Variants in CIMIP4 observed in about 807,000 individuals in gnomAD.
The protein encoded by CIMIP4 is protein EAN57.
At chr22:36,996,082 G>C in the CIMIP4 span, among the ~76,000 whole-genome samples, 1 of 152,048 alleles carries the variant, frequency 6.6e-6, no homozygotes, top group East Asian at 1.9e-4. Flanking sequence ...GTCCCTATCT[G>C]TGTGGCCTTA....
chr22:37,001,752 A>C, the CIMIP4 span: 1 of 1,334,302 alleles, frequency 7.5e-7, no homozygotes, highest in Non-Finnish European at 1.0e-6. Flanking sequence ...TGGTATTATT[A>C]TAGGGACTCT....
chr22:37,002,184 A>G, the CIMIP4 span: 3 of 1,491,798 alleles, frequency 2.0e-6, no homozygotes, highest in East Asian at 4.9e-5. Flanking sequence ...GGCTGTGGGG[A>G]TGACAGACCC....
chr22:36,993,016 CTTT>C, the CIMIP4 span, among the ~76,000 whole-genome samples: 2 of 136,258 alleles, frequency 1.5e-5, no homozygotes, highest in Admixed American at 7.4e-5. Flanking sequence ...TTTTTTTTTT[CTTT>C]TTTTTTTTTT....
chr22:36,995,749 C>T, the CIMIP4 span, among the ~76,000 whole-genome samples: 37 of 152,294 alleles, frequency 2.4e-4, no homozygotes, highest in African/African-American at 7.5e-4. Flanking sequence ...TGTCGGCCAC[C>T]GTGTAAGACG....
At chr22:37,004,780 C>T in the CIMIP4 span, among the ~76,000 whole-genome samples, 1 of 152,012 alleles carries the variant, frequency 6.6e-6, no homozygotes, top group Non-Finnish European at 1.5e-5. Flanking sequence ...CTCCACCTCC[C>T]AAGTTCAAGC....
the CIMIP4 span, among the ~76,000 whole-genome samples, chr22:36,992,119 C>T: frequency 2.0e-5 from 3 of 151,764 alleles, no homozygotes; most frequent in Admixed American, 6.6e-5. Context: ...GAGGCCAAGG[C>T]GGGTGGATCA....
chr22:37,003,288 A>AG, the CIMIP4 span, among the ~76,000 whole-genome samples: 28 of 152,336 alleles, frequency 1.8e-4, no homozygotes, highest in African/African-American at 6.3e-4. Context: ...GTGTTTAACA[A>AG]GCCCCTGGGC....
chr22:36,999,029 G>A, the CIMIP4 span, among the ~76,000 whole-genome samples: 1 of 152,128 alleles, frequency 6.6e-6, no homozygotes, highest in African/African-American at 2.4e-5. Flanking sequence ...CAGCTAGTGA[G>A]TGGCTGAGCT....
At chr22:37,001,836 C>A in the CIMIP4 span, 1 of 1,571,358 alleles carries the variant, frequency 6.4e-7, no homozygotes, top group Non-Finnish European at 8.6e-7. Flanking sequence ...TGCTATGACA[C>A]CTGCTCCTCG....
the CIMIP4 span, among the ~76,000 whole-genome samples, chr22:37,006,517 C>G: frequency 1.3e-5 from 2 of 152,220 alleles, no homozygotes; most frequent in Non-Finnish European, 2.9e-5. Context: ...TTTCACAGAT[C>G]TATGATGGGG....
the CIMIP4 span, chr22:36,991,378 C>T: frequency 7.8e-5 from 121 of 1,550,802 alleles, no homozygotes; most frequent in East Asian, 1.3e-4. Context: ...AAGTCCACCC[C>T]GGCTCTGTCT....
At chr22:36,996,431 A>C in the CIMIP4 span, among the ~76,000 whole-genome samples, 2 of 151,396 alleles carry the variant, frequency 1.3e-5, no homozygotes, top group African/African-American at 4.9e-5. Flanking sequence ...ATCATTTTCA[A>C]CAGCAGCAAA....
At chr22:37,000,748 A>G in the CIMIP4 span, among the ~76,000 whole-genome samples, 2 of 152,224 alleles carry the variant, frequency 1.3e-5, no homozygotes, top group South Asian at 4.1e-4. Context: ...GTGGCTGAAG[A>G]GAGAAAGGAC....
the CIMIP4 span, chr22:37,007,335 A>T: frequency 6.6e-6 from 1 of 152,184 alleles, no homozygotes; most frequent in Non-Finnish European, 1.5e-5. Flanking sequence ...ATCTTCTTTC[A>T]CAGATGGAGA....
At chr22:37,002,060 T>C in the CIMIP4 span, 1 of 1,607,454 alleles carries the variant, frequency 6.2e-7, no homozygotes, top group Non-Finnish European at 8.5e-7. Context: ...GGACCTGGAC[T>C]GTGGGTCCAT....
chr22:37,000,706 C>T, the CIMIP4 span, among the ~76,000 whole-genome samples: 1 of 152,118 alleles, frequency 6.6e-6, no homozygotes, highest in Admixed American at 6.6e-5. Context: ...GGGCAGAAAA[C>T]ACGGATTTCT....
At chr22:37,003,399 C>T in the CIMIP4 span, among the ~76,000 whole-genome samples, 1 of 152,228 alleles carries the variant, frequency 6.6e-6, no homozygotes, top group Admixed American at 6.5e-5. Context: ...CCTGCACTCA[C>T]CCCTGGGGAC....
chr22:36,996,964 T>G, the CIMIP4 span, among the ~76,000 whole-genome samples: 1 of 152,164 alleles, frequency 6.6e-6, no homozygotes, highest in Non-Finnish European at 1.5e-5. Flanking sequence ...GTAACCCACA[T>G]AAAGAAGGAA....
At chr22:37,000,965 G>C in the CIMIP4 span, among the ~76,000 whole-genome samples, 1 of 152,152 alleles carries the variant, frequency 6.6e-6, no homozygotes. Context: ...CAAGCAGATC[G>C]TAGCCCCTCC....
Sources: allele counts gnomAD v4.1 joint callset (sites outside exome capture counted in the v4.1 genomes callset), GRCh38; gene constraint gnomAD v4.1.1; transcripts MANE v1.5; gene names NCBI Gene and HGNC (gene_info 2026-07-23, HGNC 2026-07-21).